Variants in TRAF3 observed in about 807,000 individuals in gnomAD.
TRAF3 encodes the protein TNF receptor-associated factor 3.
In TRAF3, 13 loss-of-function variants were observed where a neutral mutation model predicts 62.3. The ratio of observed to expected loss-of-function variants is 0.21; its 90% CI spans 0.14 to 0.33. TRAF3 has a LOEUF of 0.33. Among genes scored for constraint, TRAF3 ranks in the 10% least tolerant of loss-of-function variants. TRAF3 has a pLI of 1.00. For synonymous variants in TRAF3, 269 were observed against 283.4 expected (o/e 0.95, Z 0.51); for missense variants, 440 against 741.8 (o/e 0.59, Z 4.73).
intron 2 of TRAF3, chr14:102,866,062 A>G (rs1199612758): frequency 6.6e-6 from 1 of 152,248 alleles, no homozygotes; most frequent in Non-Finnish European, 1.5e-5. Flanking sequence ...GATAAAGAAA[A>G]TGTGGCACAT....
chr14:102,889,810 G>A (rs1889608592), intron 8 of TRAF3, among the ~76,000 whole-genome samples, 176 bp downstream of exon 8: 1 of 152,244 alleles, frequency 6.6e-6, no homozygotes, highest in South Asian at 2.1e-4. Flanking sequence ...TCGCTTTCCA[G>A]TTGGTGGTGC....
chr14:102,779,367 C>T (rs551844175), intron 1 of TRAF3, among the ~76,000 whole-genome samples: 103 of 145,720 alleles, frequency 7.1e-4, no homozygotes, highest in African/African-American at 2.6e-3. Context: ...GCTGTCCCTT[C>T]TTTTGGAATT....
At chr14:102,857,175 C>T (rs1000874471) in intron 2 of TRAF3, among the ~76,000 whole-genome samples, 4 of 152,194 alleles carry the variant, frequency 2.6e-5, no homozygotes, top group African/African-American at 9.7e-5. Context: ...CAGATTTTTA[C>T]ATTACCCATC....
chr14:102,789,013 G>T lies in TRAF3; in HGVS notation c.-157+11338G>T, dbSNP rs527434837. ...CTTTTCATCCCCCTTTACCCATTAAGTAATCACTCCCATTCCCCAATCCTC... is the reference window on the plus strand; with the variant it reads ...CTTTTCATCCCCCTTTACCCATTAATTAATCACTCCCATTCCCCAATCCTC... On this transcript the variant is annotated intron_variant, in intron 1 of 11. Transcript: ENST00000392745. Among the ~76,000 whole-genome samples the T allele has an allele frequency of 2.6e-5, 4 of 152,132 alleles. No homozygotes were observed. The East Asian group carries it at 7.7e-4, about 29-fold the overall frequency.
intron 1 of TRAF3, among the ~76,000 whole-genome samples, chr14:102,814,810 A>ACTGCAC (rs1441165142): frequency 6.6e-6 from 1 of 152,236 alleles, no homozygotes; most frequent in African/African-American, 2.4e-5. Context: ...GGCATACACC[A>ACTGCAC]CTGCACCTGG....
intron 2 of TRAF3, among the ~76,000 whole-genome samples, chr14:102,853,076 A>G (rs1887143266): frequency 6.6e-6 from 1 of 151,864 alleles, no homozygotes; most frequent in Non-Finnish European, 1.5e-5. Flanking sequence ...TAATTTTTGT[A>G]TTTTTAGTAG....
intron 6 of TRAF3, among the ~76,000 whole-genome samples, chr14:102,880,463 T>G (rs895859309): frequency 6.6e-6 from 1 of 152,220 alleles, no homozygotes; most frequent in Non-Finnish European, 1.5e-5. Context: ...AAACAACAGA[T>G]GCTGGCAAGG....
intron 1 of TRAF3, among the ~76,000 whole-genome samples, chr14:102,792,210 G>C (rs1374647184): frequency 7.7e-6 from 1 of 130,052 alleles, no homozygotes; most frequent in Non-Finnish European, 1.6e-5. Context: ...CTGCAGTCTT[G>C]AACTCCCAGG....
intron 2 of TRAF3, among the ~76,000 whole-genome samples, chr14:102,854,534 T>C (rs1422816629): frequency 1.3e-5 from 2 of 152,250 alleles, no homozygotes; most frequent in African/African-American, 4.8e-5. Flanking sequence ...GTCTTACTTT[T>C]GTGTTGCCCA....
chr14:102,830,758 T>G (rs1429752186), intron 2 of TRAF3, among the ~76,000 whole-genome samples: 1 of 152,142 alleles, frequency 6.6e-6, no homozygotes, highest in Non-Finnish European at 1.5e-5. Context: ...TGGCTTGACA[T>G]CTCCATTTCT....
At chr14:102,824,103 C>G (rs1595333065) in intron 1 of TRAF3, among the ~76,000 whole-genome samples, 1 of 152,222 alleles carries the variant, frequency 6.6e-6, no homozygotes, top group South Asian at 2.1e-4. Context: ...TGTCATTTCT[C>G]TTGGGAATAT....
At chr14:102,869,714 G>A (rs1430968498) in intron 2 of TRAF3, among the ~76,000 whole-genome samples, 1 of 151,962 alleles carries the variant, frequency 6.6e-6, no homozygotes, top group South Asian at 2.1e-4. Flanking sequence ...GCTGAGGCAG[G>A]AGAATGGCAT....
intron 1 of TRAF3, among the ~76,000 whole-genome samples, chr14:102,791,146 A>C (rs1005663761): frequency 1.1e-4 from 16 of 151,256 alleles, no homozygotes; most frequent in Admixed American, 5.9e-4. Context: ...CAGCCTCCCG[A>C]GTAGCTGGGA....
At chr14:102,887,372 G>T (rs1425036224) in intron 7 of TRAF3, among the ~76,000 whole-genome samples, 2 of 152,242 alleles carry the variant, frequency 1.3e-5, no homozygotes, top group African/African-American at 4.8e-5. Context: ...TGGGGCTAGG[G>T]CCAGGGACTC....
At chr14:102,797,739 CT>C (rs35788620) in intron 1 of TRAF3, among the ~76,000 whole-genome samples, 172 of 142,156 alleles carry the variant, frequency 1.2e-3, no homozygotes, top group Admixed American at 1.9e-3. Flanking sequence ...CTTTTTCTTT[CT>C]TTTTTTTTTT....
At chr14:102,875,065 G>A (rs960332377) in intron 4 of TRAF3, among the ~76,000 whole-genome samples, 34 of 152,052 alleles carry the variant, frequency 2.2e-4, no homozygotes, top group African/African-American at 7.7e-4. Context: ...GCTTTTTTTG[G>A]TGAAAAATGA....
chr14:102,808,981 A>G (rs954857370), intron 1 of TRAF3: 1 of 151,290 alleles, frequency 6.6e-6, no homozygotes, highest in African/African-American at 2.4e-5. Flanking sequence ...ACACCCAGCT[A>G]ATATTTATTT....
chr14:102,902,870 G>C (rs558339849), intron 10 of TRAF3, among the ~76,000 whole-genome samples: 26 of 152,230 alleles, frequency 1.7e-4, no homozygotes, highest in African/African-American at 6.3e-4. Context: ...GCCTGCTGTG[G>C]GCAGCAGAAG....
chr14:102,869,496 A>G (rs1458982936), intron 2 of TRAF3, among the ~76,000 whole-genome samples: 1 of 152,188 alleles, frequency 6.6e-6, no homozygotes, highest in Non-Finnish European at 1.5e-5. Context: ...AACCTCAAAA[A>G]TACTGTATTA....
Sources: gnomAD v4.1 joint callset for allele counts (sites outside exome capture counted in the v4.1 genomes callset) on GRCh38, gnomAD v4.1.1 for gene constraint, MANE v1.5 for transcripts, NCBI Gene and HGNC (gene_info 2026-07-23, HGNC 2026-07-21) for gene names.